Variants in MYO18B observed in about 807,000 individuals in gnomAD.
MYO18B encodes the protein unconventional myosin-XVIIIb.
MYO18B carries 204 observed loss-of-function variants against 273.0 expected under a neutral mutation model. The observed-to-expected ratio is 0.75, with a 90% confidence interval of 0.67 to 0.84. The LOEUF (loss-of-function observed/expected upper bound fraction) is 0.84, where lower values mean the gene tolerates loss of function less well. MYO18B is among the 40% of genes least tolerant of loss of function. The pLI is 0.00. For synonymous variants in MYO18B, 1,330 were observed against 1,305.7 expected, an observed-to-expected ratio of 1.02 and a Z score of -0.40; for missense variants, 3,212 against 3,287.6, an observed-to-expected ratio of 0.98 and a Z score of 0.56.
At chr22:25,774,723 GA>G (rs2145623116) in intron 7 of MYO18B, among the ~76,000 whole-genome samples, 1 of 152,348 alleles carries the variant, frequency 6.6e-6, no homozygotes, top group South Asian at 2.1e-4. Flanking sequence ...GTGAGGCTGA[GA>G]CCACCTCGAG....
intron 40 of MYO18B, among the ~76,000 whole-genome samples, chr22:25,996,607 C>T (rs1933273125): frequency 6.6e-6 from 1 of 151,744 alleles, no homozygotes; most frequent in African/African-American, 2.4e-5. Flanking sequence ...ATAGAGTGCA[C>T]AGATTGATAA....
intron 39 of MYO18B, among the ~76,000 whole-genome samples, chr22:25,958,730 C>T (rs765018867): frequency 2.6e-5 from 4 of 152,020 alleles, no homozygotes; most frequent in Non-Finnish European, 5.9e-5. Context: ...CTGCTGAGGC[C>T]CCTCCTATAG....
chr22:25,950,121 T>C (rs1329254757), intron 36 of MYO18B, among the ~76,000 whole-genome samples: 1 of 152,152 alleles, frequency 6.6e-6, no homozygotes, highest in Non-Finnish European at 1.5e-5. Flanking sequence ...CAAGGGTATA[T>C]AATAAAATGC....
chr22:25,962,174 C>T (rs765727170), intron 39 of MYO18B, among the ~76,000 whole-genome samples: 10 of 152,148 alleles, frequency 6.6e-5, no homozygotes, highest in Admixed American at 1.3e-4. Context: ...CTTGATTCAC[C>T]GCCTTTATCC....
At chr22:25,780,254 C>A in intron 9 of MYO18B, 56 bp downstream of exon 9, 1 of 1,549,358 alleles carries the variant, frequency 6.5e-7, no homozygotes, top group Non-Finnish European at 8.7e-7. Context: ...TGTCTCTAAC[C>A]CCGGGACTCA....
intron 3 of MYO18B, among the ~76,000 whole-genome samples, chr22:25,763,617 G>C (rs151265999): frequency 9.1e-4 from 138 of 152,274 alleles, no homozygotes; most frequent in African/African-American, 3.0e-3. Context: ...TCTGAATCCT[G>C]CTGCACCTTC....
Position 25,825,502 on chromosome 22 carries a change from A to G in MYO18B, c.2696-907A>G, listed in dbSNP as rs1250593494. ...TGCTTTGTTCAATGCACCCTAATCAAGGCTGGTGATTTTAATGGGATGCAT... is the reference window on the plus strand; with the variant it reads ...TGCTTTGTTCAATGCACCCTAATCAGGGCTGGTGATTTTAATGGGATGCAT... On this transcript the variant is annotated intron_variant, in intron 13 of 43. Coordinates refer to ENST00000335473, the MANE Select transcript of MYO18B (RefSeq NM_032608.7). Among the ~76,000 whole-genome samples the G allele has an allele frequency of 3.3e-5, 5 of 152,208 alleles. No homozygotes were observed. In the East Asian group the frequency reaches 9.6e-4, roughly 29 times the overall value.
At chr22:25,784,525 G>A (rs2087296797) in intron 10 of MYO18B, among the ~76,000 whole-genome samples, 1 of 152,232 alleles carries the variant, frequency 6.6e-6, no homozygotes. Context: ...TCAAAGTCAC[G>A]AGGCAGAGAG....
chr22:25,881,731 G>A (rs2091341709), intron 25 of MYO18B, among the ~76,000 whole-genome samples: 1 of 152,170 alleles, frequency 6.6e-6, no homozygotes, highest in African/African-American at 2.4e-5. Flanking sequence ...GCAAACAAAT[G>A]CCAACACCTA....
chr22:25,869,352 A>T (rs1258691484), intron 22 of MYO18B, among the ~76,000 whole-genome samples: 1 of 148,146 alleles, frequency 6.8e-6, no homozygotes, highest in East Asian at 2.1e-4. Flanking sequence ...TGGGAGGCCG[A>T]GGCAGGAGAA....
rs141523178 is a variant in MYO18B, at chr22:25,812,352, C to T, written c.2522-11153C>T. ...TCTCCTCCAATTCTGAGAGGCTTCT[C>T]CCTTCCTTCTCCACCTCCATCCCAG... On this transcript the variant is annotated intron_variant, in intron 12 of 43. Coordinates refer to ENST00000335473, the MANE Select transcript of MYO18B (RefSeq NM_032608.7). 3.5e-3 allele frequency among the ~76,000 whole-genome samples: 526 copies of T among 152,282 alleles called. 1 individual carries two copies. The highest frequency in any genetic ancestry group is 0.012 in the African/African-American group (493 of 41,560).
rs1356525304 is a variant in MYO18B, at chr22:25,874,467, A to G, written c.4080+53A>G. On this transcript the variant is annotated intron_variant, in intron 23 of 43. Transcript: ENST00000335473. ...CTGATCCAACGGGTCTGGAGCGGGC[A>G]TAGGGTCTGCCTGTCTTTCAGGATG... is the stretch of plus-strand genomic sequence containing the variant. The G allele has an allele frequency of 3.2e-6, 5 of 1,568,828 alleles. 1 individual carries two copies. Among genetic ancestry groups the G allele is most frequent in the Middle Eastern group, 1.7e-4 (1 of 5,916 alleles).
intron 39 of MYO18B, among the ~76,000 whole-genome samples, chr22:25,982,537 A>G (rs2093159936): frequency 6.6e-6 from 1 of 152,250 alleles, no homozygotes; most frequent in Non-Finnish European, 1.5e-5. Flanking sequence ...TTAAGGTATC[A>G]TCAGGATTGG....
chr22:25,817,901 C>T (rs760595226), intron 12 of MYO18B, among the ~76,000 whole-genome samples: 2 of 152,204 alleles, frequency 1.3e-5, no homozygotes, highest in South Asian at 4.1e-4. Flanking sequence ...CTGATCCCCA[C>T]CTGTGTGGCC....
At chr22:25,785,575 C>A in intron 11 of MYO18B, 84 bp downstream of exon 11, 1 of 1,423,082 alleles carries the variant, frequency 7.0e-7, no homozygotes, top group Non-Finnish European at 9.7e-7. Flanking sequence ...TGCAACTTGT[C>A]TCTTTTGGTA....
intron 43 of MYO18B, among the ~76,000 whole-genome samples, chr22:26,029,312 G>A (rs903890619): frequency 4.6e-5 from 7 of 152,088 alleles, no homozygotes; most frequent in Non-Finnish European, 8.8e-5. Context: ...ACCCAAATGA[G>A]GCACACGTCC....
chr22:25,887,339 A>G (rs542084795), intron 25 of MYO18B, among the ~76,000 whole-genome samples: 1 of 152,290 alleles, frequency 6.6e-6, no homozygotes, highest in Admixed American at 6.5e-5. Context: ...GTGAAATCCC[A>G]GTTACTCACT....
chr22:25,901,940 G>A lies in MYO18B; in HGVS notation c.4824-673G>A, dbSNP rs189195948. Among the ~76,000 whole-genome samples, 29 of 151,608 alleles carry A rather than the reference G, an allele frequency of 1.9e-4. No homozygotes were observed. The East Asian group carries it at 5.3e-3, about 28-fold the overall frequency. ...GGATCCTCCCACCTCAGCCTCCAGA[G>A]TAGCTGGGATTACAAGTGCATGCCA... is the stretch of plus-strand genomic sequence containing the variant. On this transcript the variant is annotated intron_variant, in intron 29 of 43. Coordinates refer to ENST00000335473, the MANE Select transcript of MYO18B (RefSeq NM_032608.7).
rs370536680 is a variant in MYO18B, at chr22:26,023,907, C to A, written c.6471-2538C>A. Among the ~76,000 whole-genome samples the A allele has an allele frequency of 5.3e-5, 8 of 152,298 alleles. No homozygotes were observed. The East Asian group carries it at 1.2e-3, about 22-fold the overall frequency. The stretch of plus-strand genomic sequence containing the variant: ...CAAAGCAATGAAGTTGACAAATATA[C>A]CTTCAGGGAATCACAAAAGAGCCCT... On this transcript the variant is annotated intron_variant, in intron 42 of 43. Transcript: ENST00000335473.
Sources: gnomAD v4.1 joint callset for allele counts (sites outside exome capture counted in the v4.1 genomes callset) on GRCh38, gnomAD v4.1.1 for gene constraint, MANE v1.5 for transcripts, NCBI Gene and HGNC (gene_info 2026-07-23, HGNC 2026-07-21) for gene names.